The following CAMK2D variants were observed in gnomAD, a reference collection of about 807,000 sequenced individuals.
CAMK2D encodes the protein calcium/calmodulin-dependent protein kinase type II subunit delta.
CAMK2D carries 37 observed loss-of-function variants against 84.0 expected under a neutral mutation model. That is an observed-to-expected ratio of 0.44 (90% CI 0.34 to 0.58). The LOEUF is 0.58. Among genes scored for constraint, CAMK2D ranks in the 20% least tolerant of loss-of-function variants. CAMK2D has a pLI of 0.02. For synonymous variants in CAMK2D, 202 were observed against 212.5 expected, an observed-to-expected ratio of 0.95 and a Z score of 0.43; for missense variants, 448 against 652.5, an observed-to-expected ratio of 0.69 and a Z score of 3.41.
At chr4:113,461,332 T>C (rs2097370625) in intron 17 of CAMK2D, among the ~76,000 whole-genome samples, 1 of 152,158 alleles carries the variant, frequency 6.6e-6, no homozygotes, top group Admixed American at 6.5e-5. Context: ...AAACAAGCAA[T>C]TATACAATAA....
rs1045584720 is a variant in CAMK2D at position 113,453,621 on chromosome 4, T to C, written c.*924A>G. ...AGTATAGCTACCTTCAAAAGACTTT[T>C]ATTTCCCTTTTACATTCATTATGCA... On this transcript the variant is annotated 3_prime_UTR_variant, in exon 21 of 21. Coordinates refer to ENST00000511664, the MANE Select transcript of CAMK2D (RefSeq NM_001321571.2). 3 of 152,212 alleles carry C rather than the reference T, an allele frequency of 2.0e-5. No homozygotes were observed. Among genetic ancestry groups the C allele is most frequent in the African/African-American group, 7.2e-5 (3 of 41,450 alleles). The allele number at this position is 152,212 out of a possible 1,614,324, so 9.4% of individuals were successfully genotyped here.
chr4:113,719,727 A>G (rs1258367390), intron 2 of CAMK2D, among the ~76,000 whole-genome samples: 2 of 152,162 alleles, frequency 1.3e-5, no homozygotes, highest in African/African-American at 2.4e-5. Context: ...CACTTTTAAC[A>G]TCTAGTTCAA....
At chr4:113,542,957 C>T (rs928657153) in intron 6 of CAMK2D, among the ~76,000 whole-genome samples, 1 of 152,138 alleles carries the variant, frequency 6.6e-6, no homozygotes, top group African/African-American at 2.4e-5. Flanking sequence ...ATAGTAAAGG[C>T]AGCATTCTCT....
At chr4:113,530,292 T>C (rs1012498481) in intron 8 of CAMK2D, among the ~76,000 whole-genome samples, 3 of 152,222 alleles carry the variant, frequency 2.0e-5, no homozygotes, top group African/African-American at 7.2e-5. Flanking sequence ...ACACATAGCC[T>C]GAAGGTAATT....
intron 16 of CAMK2D, among the ~76,000 whole-genome samples, chr4:113,481,256 C>T (rs1377292603): frequency 6.6e-6 from 1 of 152,056 alleles, no homozygotes; most frequent in Non-Finnish European, 1.5e-5. Flanking sequence ...CCTTCCTCTA[C>T]CAATTAAATA....
chr4:113,523,363 A>G (rs908069786), intron 8 of CAMK2D, among the ~76,000 whole-genome samples: 1 of 152,120 alleles, frequency 6.6e-6, no homozygotes, highest in Non-Finnish European at 1.5e-5. Flanking sequence ...TTAAAGTGCA[A>G]ATTCCTGAGC....
At chr4:113,589,599 A>C (rs572745989) in intron 4 of CAMK2D, among the ~76,000 whole-genome samples, 9 of 152,290 alleles carry the variant, frequency 5.9e-5, no homozygotes, top group Non-Finnish European at 1.2e-4. Flanking sequence ...TGTGAGCCTG[A>C]AAAAGACGGA....
Position 113,619,642 on chromosome 4 carries a change from A to G in CAMK2D, c.221-10436T>C, listed in dbSNP as rs999889366. Among the ~76,000 whole-genome samples the G allele has an allele frequency of 2.0e-5, 3 of 152,168 alleles. No individual in the cohort carries two copies. In the East Asian group the frequency reaches 5.8e-4, roughly 29 times the overall value. On this transcript the variant is annotated intron_variant, in intron 3 of 20. Transcript: ENST00000511664. ...CTCTGCCTGGAATTATTTCCCCGAT[A>G]TTCACATGGCTCATGGCCTCATCTG... is the stretch of plus-strand genomic sequence containing the variant.
At chr4:113,703,009 G>T (rs544712477) in intron 2 of CAMK2D, among the ~76,000 whole-genome samples, 1 of 152,166 alleles carries the variant, frequency 6.6e-6, no homozygotes, top group South Asian at 2.1e-4. Flanking sequence ...TTCATTTTAA[G>T]TGCTCACTAG....
chr4:113,597,777 C>T (rs1161023386), intron 4 of CAMK2D, among the ~76,000 whole-genome samples: 1 of 152,222 alleles, frequency 6.6e-6, no homozygotes, highest in African/African-American at 2.4e-5. Context: ...AACCTTAATT[C>T]TTTCTAGGTT....
chr4:113,488,813 A>G (rs946115648), intron 16 of CAMK2D, among the ~76,000 whole-genome samples: 5 of 152,200 alleles, frequency 3.3e-5, no homozygotes, highest in African/African-American at 1.2e-4. Context: ...ATGAGAAGTT[A>G]CATGTTTTTG....
chr4:113,648,900 T>C (rs1415761652), intron 3 of CAMK2D, among the ~76,000 whole-genome samples: 1 of 152,178 alleles, frequency 6.6e-6, no homozygotes, highest in Non-Finnish European at 1.5e-5. Flanking sequence ...TGTTCCCCCA[T>C]AATGGAAATG....
chr4:113,504,973 TACC>T lies in CAMK2D; in HGVS notation c.1044_1044+2del. The T allele has an allele frequency of 6.5e-7, 1 of 1,550,064 alleles. No homozygotes were observed. Reference sequence around the variant, plus strand: ...AGAAGGGTTACAAAGAGTCCAGGTATACCAGCGCTGGGGTAGGAATATTTTCTT... The same window carrying T: ...AGAAGGGTTACAAAGAGTCCAGGTATAGCGCTGGGGTAGGAATATTTTCTT... On this transcript the variant is annotated splice_donor_variant and coding_sequence_variant, in exon 14 of 21. Transcript: ENST00000511664. LOFTEE classifies it high-confidence loss of function.
Position 113,502,975 on chromosome 4 carries a change from C to T in CAMK2D, c.1047G>A (p.Glu349=). The part of the protein sequence containing the change: ...PKENIPTPAL[E]PQTTVIHNPD... ...GGTTGTGGATTACAGTAGTTTGGGG[C>T]TCCTGAGTGAGAACAAAATAGAGAA... Residue 349 remains glutamate (E), a splice_region_variant and synonymous_variant, in exon 15 of 21, where the codon GAG becomes GAA. Transcript: ENST00000511664. The T allele has an allele frequency of 1.9e-6, 3 of 1,603,670 alleles. No homozygotes were observed. Among genetic ancestry groups the T allele is most frequent in the Non-Finnish European group, 2.6e-6 (3 of 1,170,662 alleles).
At chr4:113,514,040 C>CAA in intron 10 of CAMK2D, 127 bp from the exon 11 acceptor site, 1 of 493,020 alleles carries the variant, frequency 2.0e-6, no homozygotes, top group East Asian at 3.5e-5. Context: ...TCTAAGTATT[C>CAA]AATTGCCAAA....
At chr4:113,666,354 T>C (rs1171356442) in intron 2 of CAMK2D, among the ~76,000 whole-genome samples, 1 of 152,162 alleles carries the variant, frequency 6.6e-6, no homozygotes, top group Non-Finnish European at 1.5e-5. Context: ...ATGAATGACA[T>C]ATATAAAAGA....
At chr4:113,657,253 G>A (rs1385617344) in intron 3 of CAMK2D, among the ~76,000 whole-genome samples, 1 of 152,050 alleles carries the variant, frequency 6.6e-6, no homozygotes, top group Non-Finnish European at 1.5e-5. Flanking sequence ...CGGTCCCCTG[G>A]TATCAAATTA....
At chr4:113,703,468 C>T (rs1034623444) in intron 2 of CAMK2D, among the ~76,000 whole-genome samples, 7 of 152,188 alleles carry the variant, frequency 4.6e-5, no homozygotes, top group Non-Finnish European at 8.8e-5. Context: ...TGGGATCACA[C>T]GCGTGAGCCA....
At chr4:113,559,010 T>C (rs2098685835) in intron 4 of CAMK2D, among the ~76,000 whole-genome samples, 1 of 151,974 alleles carries the variant, frequency 6.6e-6, no homozygotes, top group African/African-American at 2.4e-5. Context: ...AAATCGAATA[T>C]TAATTTAAAG....
Sources: gnomAD v4.1 joint callset for allele counts (sites outside exome capture counted in the v4.1 genomes callset) on GRCh38, gnomAD v4.1.1 for gene constraint, MANE v1.5 for transcripts, NCBI Gene and HGNC (gene_info 2026-07-23, HGNC 2026-07-21) for gene names.